Variants in CACNA2D3 observed in about 807,000 individuals in gnomAD.
The protein encoded by CACNA2D3 is calcium voltage-gated channel auxiliary subunit alpha2delta 3, also known as voltage-dependent calcium channel subunit alpha-2/delta-3.
A neutral mutation model predicts 160.6 loss-of-function variants in CACNA2D3; 60 were observed. That is an observed-to-expected ratio of 0.37 (90% CI 0.30 to 0.46). CACNA2D3 has a LOEUF of 0.46. CACNA2D3 is among the 20% of genes least tolerant of loss of function. CACNA2D3 has a pLI of 1.00. For missense variants in CACNA2D3, 1,205 were observed against 1,365.0 expected (o/e 0.88, Z 1.85); for synonymous variants, 558 against 492.9 (o/e 1.13, Z -1.75).
chr3:54,277,742 T>A (rs1243784349), intron 2 of CACNA2D3, among the ~76,000 whole-genome samples: 1 of 152,250 alleles, frequency 6.6e-6, no homozygotes, highest in Non-Finnish European at 1.5e-5. Context: ...TTCATGATAT[T>A]GATTCTTCTG....
Position 54,204,341 on chromosome 3 carries a change from TA to T in CACNA2D3, c.204+80749del, listed in dbSNP as rs1430395334. Among the ~76,000 whole-genome samples the T allele has an allele frequency of 2.0e-5, 3 of 150,232 alleles. No individual in the cohort carries two copies. In the East Asian group the frequency reaches 5.9e-4, roughly 29 times the overall value. On this transcript the variant is annotated intron_variant, in intron 2 of 37. Transcript: ENST00000474759. Reference sequence around the variant, plus strand: ...TGTGTGTGTGTATATACCATATATATAACCATATGTATATGGCTCTGTTTCT... The same window carrying T: ...TGTGTGTGTGTATATACCATATATATACCATATGTATATGGCTCTGTTTCT...
chr3:54,154,630 T>G (rs1004875247), intron 2 of CACNA2D3, among the ~76,000 whole-genome samples: 1 of 152,152 alleles, frequency 6.6e-6, no homozygotes, highest in Non-Finnish European at 1.5e-5. Context: ...CATCAGTGTC[T>G]CAGCACCTCT....
At chr3:54,543,088 G>A (rs185334179) in intron 5 of CACNA2D3, among the ~76,000 whole-genome samples, 9 of 152,146 alleles carry the variant, frequency 5.9e-5, no homozygotes, top group African/African-American at 9.6e-5. Flanking sequence ...CATTTATTCC[G>A]ATTAATACAT....
At chr3:54,298,106 C>A (rs369176685) in intron 2 of CACNA2D3, among the ~76,000 whole-genome samples, 96 of 152,284 alleles carry the variant, frequency 6.3e-4, no homozygotes, top group African/African-American at 2.1e-3. Context: ...TGTGGTAGAC[C>A]AAAGTGTCGC....
At chr3:54,754,631 A>C (rs186040785) in intron 12 of CACNA2D3, among the ~76,000 whole-genome samples, 2 of 152,216 alleles carry the variant, frequency 1.3e-5, no homozygotes, top group East Asian at 3.9e-4. Context: ...TTGATGTTTG[A>C]AAAAATAGGT....
intron 3 of CACNA2D3, among the ~76,000 whole-genome samples, chr3:54,328,342 C>T (rs1288223717): frequency 6.6e-6 from 1 of 152,178 alleles, no homozygotes; most frequent in Non-Finnish European, 1.5e-5. Context: ...AGTGCAATGG[C>T]CCGATCTTGG....
intron 11 of CACNA2D3, among the ~76,000 whole-genome samples, chr3:54,724,707 G>A (rs967712956): frequency 6.6e-6 from 1 of 152,170 alleles, no homozygotes; most frequent in Admixed American, 6.5e-5. Context: ...AAACAGAGAT[G>A]TTCTTTGAAA....
chr3:55,004,793 T>C lies in CACNA2D3; in HGVS notation c.2721T>C (p.Cys907=), dbSNP rs1553628222. The part of the protein sequence containing the change: ...RITLYDYQAM[C]RANKESSDGA... Reference sequence around the variant, plus strand: ...CCCTTTATGACTACCAAGCCATGTGTAGAGCCAACAAGGAAAGCAGCGATG... The same window carrying C: ...CCCTTTATGACTACCAAGCCATGTGCAGAGCCAACAAGGAAAGCAGCGATG... The change falls in exon 32 of 38, where the codon TGT becomes TGC. Residue 907 remains cysteine, a synonymous_variant. Transcript: ENST00000474759. 2.5e-6 allele frequency: 4 copies of C among 1,613,768 alleles called. No individual in the cohort carries two copies. The African/African-American group carries it at 4.0e-5, about 16-fold the overall frequency.
intron 35 of CACNA2D3, among the ~76,000 whole-genome samples, chr3:55,031,835 A>G (rs745491109): frequency 1.3e-5 from 2 of 151,924 alleles, no homozygotes; most frequent in Non-Finnish European, 2.9e-5. Flanking sequence ...GGTGTAGATG[A>G]TCAAAGTCAG....
chr3:54,583,542 A>G (rs1559518939), intron 9 of CACNA2D3, among the ~76,000 whole-genome samples: 1 of 152,228 alleles, frequency 6.6e-6, no homozygotes, highest in Non-Finnish European at 1.5e-5. Context: ...GGTTGGGACT[A>G]GAAGTGTTTC....
intron 13 of CACNA2D3, among the ~76,000 whole-genome samples, chr3:54,797,377 C>T (rs749966427): frequency 3.9e-5 from 6 of 152,130 alleles, no homozygotes; most frequent in Non-Finnish European, 8.8e-5. Context: ...GTGGCCACCT[C>T]CTATTGTACA....
chr3:55,043,563 T>G (rs931699844), intron 35 of CACNA2D3, among the ~76,000 whole-genome samples: 2 of 152,138 alleles, frequency 1.3e-5, no homozygotes, highest in Admixed American at 6.6e-5. Flanking sequence ...TAGATACAAA[T>G]CCTTTGTAAA....
chr3:55,021,659 GTGTGTGTATATATATA>G (rs1703455064), intron 35 of CACNA2D3, among the ~76,000 whole-genome samples: 3 of 65,516 alleles, frequency 4.6e-5, no homozygotes, highest in East Asian at 8.3e-4. Context: ...ATATATATAT[GTGTGTGTATATATATA>G]TGTGTATATA....
At chr3:54,809,335 G>T (rs1217597971) in intron 13 of CACNA2D3, among the ~76,000 whole-genome samples, 1 of 43,940 alleles carries the variant, frequency 2.3e-5, no homozygotes, top group Non-Finnish European at 3.5e-5. Context: ...TTTTTGAGAC[G>T]GAGTCTCGCT....
chr3:54,956,285 G>T (rs1701890615), intron 27 of CACNA2D3, among the ~76,000 whole-genome samples: 1 of 152,248 alleles, frequency 6.6e-6, no homozygotes, highest in Admixed American at 6.5e-5. Context: ...TCTTCCCTTG[G>T]CTGTTCCTGG....
At chr3:55,025,140 A>T (rs1489894806) in intron 35 of CACNA2D3, among the ~76,000 whole-genome samples, 1 of 152,240 alleles carries the variant, frequency 6.6e-6, no homozygotes, top group South Asian at 2.1e-4. Flanking sequence ...ACATTGCTAG[A>T]GCAAGCAGTA....
At position 54,202,705 on chromosome 3, in the gene CACNA2D3, C is replaced by CA. The variant is rs554334677; in HGVS notation, c.204+79118dup. 2.4e-3 allele frequency among the ~76,000 whole-genome samples: 370 copies of CA among 152,146 alleles called. 2 individuals are homozygous for CA. The highest frequency in any genetic ancestry group is 3.8e-3 in the Non-Finnish European group (261 of 67,980). ...GTTCTGTTGATTCCCCAGTTCCTGG[C>CA]AAAAAAACCCAGGAAACTGGGGATA... On this transcript the variant is annotated intron_variant, in intron 2 of 37. Coordinates refer to ENST00000474759, the MANE Select transcript of CACNA2D3 (RefSeq NM_018398.3).
At chr3:54,870,445 T>A (rs2106818544) in intron 17 of CACNA2D3, among the ~76,000 whole-genome samples, 1 of 152,242 alleles carries the variant, frequency 6.6e-6, no homozygotes, top group East Asian at 1.9e-4. Flanking sequence ...TATACATGCA[T>A]ATATATTTTT....
chr3:54,991,912 A>G (rs994067158), intron 31 of CACNA2D3, among the ~76,000 whole-genome samples: 2 of 148,352 alleles, frequency 1.3e-5, no homozygotes, highest in African/African-American at 5.3e-5. Flanking sequence ...AGAGTTCCAT[A>G]TGTCTGAGTT....
Sources: gnomAD v4.1 joint callset for allele counts (sites outside exome capture counted in the v4.1 genomes callset) on GRCh38, gnomAD v4.1.1 for gene constraint, MANE v1.5 for transcripts, NCBI Gene and HGNC (gene_info 2026-07-23, HGNC 2026-07-21) for gene names.